RAPH1: variants seen among roughly 807,000 people sequenced by gnomAD.
RAPH1 encodes ras-associated and pleckstrin homology domains-containing protein 1.
In RAPH1, 18 loss-of-function variants were observed where a neutral mutation model predicts 88.1. That is an observed-to-expected ratio of 0.20 (90% CI 0.14 to 0.30). The LOEUF (loss-of-function observed/expected upper bound fraction) is 0.30, where lower values mean the gene tolerates loss of function less well. Ranked by LOEUF, RAPH1 falls within the 10% of genes least tolerant of loss-of-function variation. The pLI, the probability that RAPH1 is intolerant of heterozygous loss-of-function variation, is 1.00. For synonymous variants in RAPH1, 587 were observed against 559.0 expected, an observed-to-expected ratio of 1.05 and a Z score of -0.71; for missense variants, 1,448 against 1,543.2, an observed-to-expected ratio of 0.94 and a Z score of 1.03.
At position 203,438,261 on chromosome 2, in the gene RAPH1, A is replaced by G; in HGVS notation, c.*1176T>C. The stretch of plus-strand genomic sequence containing the variant: ...ATACTTAATGAGCTTTTTGTATTAC[A>G]TATTATAACCCATATACAACCAGAT... On this transcript the variant is annotated 3_prime_UTR_variant, in exon 14 of 14. Coordinates refer to ENST00000319170, the MANE Select transcript of RAPH1 (RefSeq NM_213589.3). 2.1e-6 allele frequency: 1 copy of G among 485,450 alleles called. No homozygotes were observed. 30.1% of individuals were successfully genotyped at this position (485,450 alleles called of 1,614,324 possible).
At chr2:203,455,996 G>A (rs1370602127) in intron 8 of RAPH1, among the ~76,000 whole-genome samples, 8 of 152,022 alleles carry the variant, frequency 5.3e-5, no homozygotes, top group African/African-American at 9.7e-5. Context: ...GCAACAGAGC[G>A]AGACTCTGTC....
At chr2:203,445,188 C>A in intron 12 of RAPH1, 178 bp from the exon 13 acceptor site, 1 of 478,080 alleles carries the variant, frequency 2.1e-6, no homozygotes, top group Non-Finnish European at 3.6e-6. Context: ...ACTTCCCTTA[C>A]CTTGGAATTA....
chr2:203,488,067 T>G (rs535710216), intron 4 of RAPH1, among the ~76,000 whole-genome samples: 1 of 152,290 alleles, frequency 6.6e-6, no homozygotes, highest in African/African-American at 2.4e-5. Context: ...TGACTTAACT[T>G]TGCCCCATTT....
chr2:203,466,341 T>A (rs1234284845), intron 4 of RAPH1, among the ~76,000 whole-genome samples: 1 of 152,092 alleles, frequency 6.6e-6, no homozygotes, highest in East Asian at 1.9e-4. Context: ...TCTCAGAGAG[T>A]GCTATTTGTG....
chr2:203,440,944 A>T lies in RAPH1; in HGVS notation c.2246T>A (p.Ile749Asn). Residue 749 changes from isoleucine (I) to asparagine (N), a missense_variant, in exon 14 of 14, where the codon ATC (isoleucine) becomes AAC (asparagine). Around this residue, in one of 2 missense-constraint regions of RAPH1, gnomAD observed 935 missense variants for 890.1 expected, o/e 1.05. Transcript: ENST00000319170. ...QFSAPPPPLKIHQVQHITQVA... is the reference protein window; with the variant it reads ...QFSAPPPPLKNHQVQHITQVA... ...CTGAGTAATATGCTGAACTTGATGG[A>T]TCTTCAGTGGAGGAGGCGGGGCACT... 1.3e-6 allele frequency: 2 copies of T among 1,565,826 alleles called. No homozygotes were observed. The highest frequency in any genetic ancestry group is 8.6e-7 in the Non-Finnish European group (1 of 1,158,744).
intron 7 of RAPH1, 26 bp from the exon 8 acceptor site, chr2:203,457,621 A>G (rs371065449): frequency 5.7e-5 from 87 of 1,526,612 alleles, no homozygotes; most frequent in Non-Finnish European, 6.2e-5. Context: ...TATGGAAGGG[A>G]TGGGTGGGAG....
chr2:203,524,025 CA>C (rs2105978923), intron 1 of RAPH1, among the ~76,000 whole-genome samples: 1 of 152,124 alleles, frequency 6.6e-6, no homozygotes, highest in South Asian at 2.1e-4. Context: ...ATAAAAAAGA[CA>C]AGCTAAGTTA....
chr2:203,443,131 G>A (rs935450707), intron 13 of RAPH1: 7 of 152,164 alleles, frequency 4.6e-5, no homozygotes, highest in Admixed American at 2.6e-4. Flanking sequence ...TGCTACTAAG[G>A]CCTTCTCTTC....
intron 1 of RAPH1, among the ~76,000 whole-genome samples, chr2:203,532,660 A>C (rs931923876): frequency 6.6e-6 from 1 of 152,210 alleles, no homozygotes; most frequent in African/African-American, 2.4e-5. Context: ...AGTGTACGTC[A>C]TACAGTGGCC....
intron 4 of RAPH1, among the ~76,000 whole-genome samples, chr2:203,468,893 T>A (rs376275983): frequency 6.6e-6 from 1 of 152,150 alleles, no homozygotes; most frequent in African/African-American, 2.4e-5. Context: ...CAAGCTTCAT[T>A]AGAAATTGGA....
In RAPH1 at chr2:203,435,369, C is replaced by A. The variant is rs1214409935; in HGVS notation, c.*4068G>T. 8.7e-5 allele frequency: 12 copies of A among 138,490 alleles called. No homozygotes were observed. The highest frequency in any genetic ancestry group is 2.2e-4 in the East Asian group (1 of 4,480). 8.6% of individuals were successfully genotyped at this position (138,490 alleles called of 1,614,324 possible). Reference sequence around the variant, plus strand: ...AACACAGTGAGACCCCCATCTCTACCAAAAAAAAAAAAAAACCTTAAAAGA... The same window carrying A: ...AACACAGTGAGACCCCCATCTCTACAAAAAAAAAAAAAAAACCTTAAAAGA... On this transcript the variant is annotated 3_prime_UTR_variant, in exon 14 of 14. Transcript: ENST00000319170.
intron 1 of RAPH1, among the ~76,000 whole-genome samples, chr2:203,497,839 T>C (rs374359875): frequency 6.6e-6 from 1 of 152,316 alleles, no homozygotes; most frequent in African/African-American, 2.4e-5. Flanking sequence ...TACTATATAA[T>C]TGATAGGTCA....
chr2:203,489,527 A>G (rs1322160609), intron 4 of RAPH1, 57 bp downstream of exon 4: 3 of 1,232,992 alleles, frequency 2.4e-6, no homozygotes, highest in African/African-American at 1.5e-5. Flanking sequence ...TTATTTTAAT[A>G]TAATTTCTCC....
chr2:203,474,998 C>T (rs2098536131), intron 4 of RAPH1, among the ~76,000 whole-genome samples: 1 of 152,198 alleles, frequency 6.6e-6, no homozygotes, highest in Non-Finnish European at 1.5e-5. Flanking sequence ...GTAGTCGCAG[C>T]TACTTGGGAC....
chr2:203,511,269 TAA>T (rs368477075), intron 1 of RAPH1, among the ~76,000 whole-genome samples: 21 of 142,240 alleles, frequency 1.5e-4, no homozygotes, highest in African/African-American at 4.6e-4. Context: ...TACATTTCTT[TAA>T]AAAAAAAAAA....
intron 9 of RAPH1, 86 bp downstream of exon 9, chr2:203,455,351 C>T: frequency 1.6e-6 from 2 of 1,236,862 alleles, no homozygotes; most frequent in Non-Finnish European, 2.3e-6. Flanking sequence ...AAATCATAGC[C>T]TGGGTTCACC....
chr2:203,489,859 A>G lies in RAPH1; in HGVS notation c.457T>C (p.Leu153=). The G allele has an allele frequency of 6.2e-7, 1 of 1,614,230 alleles. No homozygotes were observed. ...TCTAACTGTGCAGTGACGTCGTCCA[A>G]GGAGTAGCTGGCATGGGAAGGTTTA... ...IAKPSHASYS[L]DDVTAQLEQA... is the part of the protein sequence containing the mutation. Residue 153 remains leucine (L), a synonymous_variant, in exon 4 of 14, where the codon TTG becomes CTG. Coordinates refer to ENST00000319170, the MANE Select transcript of RAPH1 (RefSeq NM_213589.3).
intron 1 of RAPH1, among the ~76,000 whole-genome samples, chr2:203,500,216 G>A (rs528698594): frequency 2.6e-5 from 4 of 152,310 alleles, no homozygotes; most frequent in East Asian, 3.9e-4. Context: ...TTAAGTGAGC[G>A]TAGTTTAACT....
At chr2:203,460,146 C>T (rs1420056442) in intron 6 of RAPH1, 118 bp from the exon 7 acceptor site, 2 of 829,818 alleles carry the variant, frequency 2.4e-6, no homozygotes, top group Non-Finnish European at 3.7e-6. Context: ...CATTTTAGCA[C>T]CTAAAAATTA....
Sources: allele counts gnomAD v4.1 joint callset (sites outside exome capture counted in the v4.1 genomes callset), GRCh38; gene constraint gnomAD v4.1.1; regional missense constraint gnomAD v4.1.1; transcripts MANE v1.5; gene names NCBI Gene and HGNC (gene_info 2026-07-23, HGNC 2026-07-21).